COPZ1: variants seen among roughly 807,000 people sequenced by gnomAD.
COPZ1 encodes the protein coatomer subunit zeta-1.
COPZ1 carries 4 observed loss-of-function variants against 31.7 expected under a neutral mutation model. The observed-to-expected ratio is 0.13, with a 90% CI of 0.06 to 0.29. The LOEUF is 0.29. COPZ1 is among the 10% of genes least tolerant of loss of function. The pLI, the probability that COPZ1 is intolerant of heterozygous loss-of-function variation, is 1.00. For synonymous variants in COPZ1, 74 were observed against 79.0 expected (o/e 0.94, Z 0.33); for missense variants, 156 against 211.5 (o/e 0.74, Z 1.63).
At chr12:54,327,801 A>C (rs899452352) in intron 1 of COPZ1, among the ~76,000 whole-genome samples, 1 of 152,132 alleles carries the variant, frequency 6.6e-6, no homozygotes, top group Non-Finnish European at 1.5e-5. Context: ...CCTAAACCCA[A>C]TTAGCAGACT....
intron 8 of COPZ1, chr12:54,350,189 C>T (rs953503384): frequency 1.0e-5 from 7 of 690,446 alleles, no homozygotes; most frequent in East Asian, 2.7e-5. Context: ...GCCCCCTGCC[C>T]GCCGCCCCTT....
At chr12:54,342,581 A>G (rs1372374176) in intron 3 of COPZ1, 2 of 407,498 alleles carry the variant, frequency 4.9e-6, no homozygotes, top group Non-Finnish European at 9.1e-6. Context: ...TAGGGCAGGT[A>G]AATGGAAGTC....
At chr12:54,338,854 G>C (rs1953918984) in intron 1 of COPZ1, among the ~76,000 whole-genome samples, 1 of 152,158 alleles carries the variant, frequency 6.6e-6, no homozygotes, top group Non-Finnish European at 1.5e-5. Flanking sequence ...CTTCCATTCT[G>C]AACTGCCCTC....
At chr12:54,348,081 C>T (rs758413934) in intron 7 of COPZ1, 30 bp downstream of exon 7, 40 of 1,610,906 alleles carry the variant, frequency 2.5e-5, no homozygotes, top group African/African-American at 1.1e-4. Context: ...TTTGCATCCC[C>T]GCATCTATTC....
At chr12:54,345,139 T>C (rs1954041537) in intron 4 of COPZ1, 1 of 235,004 alleles carries the variant, frequency 4.3e-6, no homozygotes, top group South Asian at 7.3e-5. Context: ...ACCTCAGCTA[T>C]TGCTTGGTTA....
At chr12:54,328,300 G>C (rs1953697528) in intron 1 of COPZ1, among the ~76,000 whole-genome samples, 2 of 138,790 alleles carry the variant, frequency 1.4e-5, no homozygotes, top group African/African-American at 5.3e-5. Context: ...GGCCGGGCAC[G>C]GTGGCTCACG....
chr12:54,342,210 A>G lies in COPZ1; in HGVS notation c.92A>G (p.Tyr31Cys), dbSNP rs748769526. 14 of 1,612,552 alleles carry G rather than the reference A, an allele frequency of 8.7e-6. No individual in the cohort carries two copies. The African/African-American group carries it at 1.6e-4, about 18-fold the overall frequency. ...NDGDRLFAKYYDDTYPSVKEQ... is the reference protein window; with the variant it reads ...NDGDRLFAKYCDDTYPSVKEQ... ...GTCTTCTTTCCCTCTGACCAGTACT[A>G]TGACGACACCTACCCCAGTGTCAAG... The change falls in exon 3 of 9, where the codon TAT becomes TGT. Residue 31 changes from tyrosine (Y) to cysteine (C), a missense_variant. Coordinates refer to ENST00000262061, the MANE Select transcript of COPZ1 (RefSeq NM_016057.3).
Position 54,342,206 on chromosome 12 carries a change from T to C in COPZ1, c.88T>C (p.Tyr30His), listed in dbSNP as rs1953983796. The change falls in exon 3 of 9, where the codon TAC becomes CAC. Residue 30 changes from tyrosine to histidine, a missense_variant and splice_region_variant. Coordinates refer to ENST00000262061, the MANE Select transcript of COPZ1 (RefSeq NM_016057.3). ...CCCTGTCTTCTTTCCCTCTGACCAGTACTATGACGACACCTACCCCAGTGT... is the reference window on the plus strand; with the variant it reads ...CCCTGTCTTCTTTCCCTCTGACCAGCACTATGACGACACCTACCCCAGTGT... ...DNDGDRLFAK[Y>H]YDDTYPSVKE... The C allele has an allele frequency of 5.0e-6, 8 of 1,611,674 alleles. No homozygotes were observed. The highest frequency in any genetic ancestry group is 6.8e-6 in the Non-Finnish European group (8 of 1,177,908).
rs1403570961 is a variant in COPZ1, at chr12:54,338,419, G to GTC, written c.19-2128_19-2127insTC. 2.7e-3 allele frequency among the ~76,000 whole-genome samples: 415 copies of GTC among 152,202 alleles called. 4 individuals are homozygous for GTC. Among genetic ancestry groups the GTC allele is most frequent in the African/African-American group, 9.8e-3 (406 of 41,524 alleles). On this transcript the variant is annotated intron_variant, in intron 1 of 8. Coordinates refer to ENST00000262061, the MANE Select transcript of COPZ1 (RefSeq NM_016057.3). ...TGTGACCTTTTAAGACTAGACTCTA[G>GTC]AGGACTTCCCTCCACTAGGCAACAA...
rs760053790 is a variant in COPZ1, at chr12:54,350,568, A to T, written c.*45A>T. ...TCTTCATCCTCTTCAAAAAATTTGCATGTCTGCTGTGAATTTTCATCTAGT... is the reference window on the plus strand; with the variant it reads ...TCTTCATCCTCTTCAAAAAATTTGCTTGTCTGCTGTGAATTTTCATCTAGT... On this transcript the variant is annotated 3_prime_UTR_variant, in exon 9 of 9. Transcript: ENST00000262061. 4.6e-6 allele frequency: 7 copies of T among 1,506,040 alleles called. No homozygotes were observed. Among genetic ancestry groups the T allele is most frequent in the Non-Finnish European group, 6.5e-6 (7 of 1,081,652 alleles). The allele number at this position is 1,506,040 out of a possible 1,614,324, so 93.3% of individuals were successfully genotyped here. A position where few individuals can be genotyped will look rare whatever the true frequency, so the allele number is the denominator to read the frequency against.
At chr12:54,347,708 T>A in intron 5 of COPZ1, 59 bp from the exon 6 acceptor site, 1 of 1,492,414 alleles carries the variant, frequency 6.7e-7, no homozygotes, top group South Asian at 1.2e-5. Flanking sequence ...TGAGACAAGG[T>A]CCTAGGATTT....
chr12:54,351,423 G>A lies in COPZ1; in HGVS notation c.*900G>A, dbSNP rs990324472. 2.0e-5 allele frequency: 3 copies of A among 152,226 alleles called. No individual in the cohort carries two copies. The highest frequency in any genetic ancestry group is 2.9e-5 in the Non-Finnish European group (2 of 68,136). The allele number at this position is 152,226 out of a possible 1,614,324, so 9.4% of individuals were successfully genotyped here. A position where few individuals can be genotyped will look rare whatever the true frequency, so the allele number is the denominator to read the frequency against. On this transcript the variant is annotated 3_prime_UTR_variant, in exon 9 of 9. Transcript: ENST00000262061. ...GCTGTCTCTGTCCCCTCAGCTCCCCGACATGCATTTACTCTCTGCCGTGGG... is the reference window on the plus strand; with the variant it reads ...GCTGTCTCTGTCCCCTCAGCTCCCCAACATGCATTTACTCTCTGCCGTGGG...
At chr12:54,350,179 G>A (rs755040804) in intron 8 of COPZ1, 32 of 679,866 alleles carry the variant, frequency 4.7e-5, no homozygotes, top group Middle Eastern at 2.8e-4. Context: ...TTTGTTACCC[G>A]CCCCCTGCCC....
At chr12:54,338,489 C>T (rs1953911797) in intron 1 of COPZ1, among the ~76,000 whole-genome samples, 2 of 152,118 alleles carry the variant, frequency 1.3e-5, no homozygotes, top group Admixed American at 1.3e-4. Flanking sequence ...TTGTTTATTC[C>T]AGAGTGTTAT....
At chr12:54,337,922 C>T (rs1953902244) in intron 1 of COPZ1, among the ~76,000 whole-genome samples, 1 of 152,140 alleles carries the variant, frequency 6.6e-6, no homozygotes, top group South Asian at 2.1e-4. Context: ...TCTAGGAAGC[C>T]AGTGAAAAGA....
At chr12:54,329,622 A>C (rs542261092) in intron 1 of COPZ1, among the ~76,000 whole-genome samples, 1 of 152,180 alleles carries the variant, frequency 6.6e-6, no homozygotes, top group African/African-American at 2.4e-5. Context: ...TAGATCTTTA[A>C]ATCTTTGTTC....
intron 5 of COPZ1, 78 bp from the exon 6 acceptor site, chr12:54,347,689 T>C: frequency 1.6e-6 from 2 of 1,287,198 alleles, no homozygotes; most frequent in Non-Finnish European, 1.1e-6. Context: ...CTAGTTTAGG[T>C]TCCTCAATTG....
In COPZ1 at chr12:54,332,843, G is replaced by A. The variant is rs370862527; in HGVS notation, c.18+7662G>A. On this transcript the variant is annotated intron_variant, in intron 1 of 8. Coordinates refer to ENST00000262061, the MANE Select transcript of COPZ1 (RefSeq NM_016057.3). ...TCAATCATATTTATTAATTTATGAAGGCCACACACACATTTATTGAATTTA... is the reference window on the plus strand; with the variant it reads ...TCAATCATATTTATTAATTTATGAAAGCCACACACACATTTATTGAATTTA... 1.0e-3 allele frequency among the ~76,000 whole-genome samples: 155 copies of A among 151,990 alleles called. 1 individual carries two copies. The highest frequency in any genetic ancestry group is 9.4e-3 in the South Asian group (45 of 4,812).
chr12:54,342,465 G>A, intron 3 of COPZ1, 178 bp downstream of exon 3: 10 of 590,438 alleles, frequency 1.7e-5, no homozygotes, highest in Non-Finnish European at 6.0e-6. Flanking sequence ...CCTCACGCGG[G>A]AATACCATGC....
Sources: allele counts gnomAD v4.1 joint callset (sites outside exome capture counted in the v4.1 genomes callset), GRCh38; gene constraint gnomAD v4.1.1; transcripts MANE v1.5; gene names NCBI Gene and HGNC (gene_info 2026-07-23, HGNC 2026-07-21).